ADGRB1: variants seen among roughly 807,000 people sequenced by gnomAD.
The protein encoded by ADGRB1 is brain-specific angiogenesis inhibitor 1.
ADGRB1 carries 36 observed loss-of-function variants against 175.7 expected under a neutral mutation model. That is an observed-to-expected ratio of 0.20 (90% CI 0.16 to 0.27). The LOEUF is 0.27. Among genes scored for constraint, ADGRB1 ranks in the 10% least tolerant of loss-of-function variants. The pLI is 1.00. For missense variants in ADGRB1, 1,731 were observed against 2,255.3 expected (o/e 0.77, Z 4.71); for synonymous variants, 1,054 against 979.4 (o/e 1.08, Z -1.42).
rs961063343 is a variant in ADGRB1, at chr8:142,542,661, G to A, written c.4413+14G>A. 14 of 1,538,220 alleles carry A rather than the reference G, an allele frequency of 9.1e-6. No homozygotes were observed. In the Admixed American group the frequency reaches 2.4e-4, roughly 26 times the overall value. The stretch of plus-strand genomic sequence containing the variant: ...AGCTCCCTGGAGGTGAGGGGGGCAG[G>A]GGTGGGCCACACCCCAGCCAGCGAG... On this transcript the variant is annotated intron_variant, in intron 28 of 30. Transcript: ENST00000517894. The surrounding 1 kb of genome is among the most constrained non-coding windows in gnomAD (Gnocchi z 6.3).
intron 17 of ADGRB1, among the ~76,000 whole-genome samples, chr8:142,506,953 C>T (rs529310457): frequency 9.8e-5 from 15 of 152,330 alleles, no homozygotes; most frequent in Admixed American, 6.5e-4. Context: ...TTGCCCCTGA[C>T]GGTCCCTTGC....
chr8:142,502,325 AGTGATG>A (rs1563718856), intron 17 of ADGRB1, among the ~76,000 whole-genome samples: 2 of 28,350 alleles, frequency 7.1e-5, no homozygotes, highest in African/African-American at 2.8e-4. Flanking sequence ...ATGGTGGGGT[AGTGATG>A]GTGATGGTGG....
chr8:142,536,157 C>T (rs889106942), intron 25 of ADGRB1, among the ~76,000 whole-genome samples: 12 of 152,120 alleles, frequency 7.9e-5, no homozygotes, highest in Non-Finnish European at 1.8e-4. Flanking sequence ...CTTTCTGCCT[C>T]TGCCAACTTC....
In ADGRB1 at chr8:142,488,496, C is replaced by G. The variant is rs774218814; in HGVS notation, c.2441C>G (p.Thr814Arg). The change falls in exon 14 of 31, where the codon ACG (threonine) becomes AGG (arginine). Residue 814 changes from threonine to arginine, a missense_variant. Coordinates refer to ENST00000517894, the MANE Select transcript of ADGRB1 (RefSeq NM_001702.3). ...ACTGTGTCCAAGAGTGTCTTCTCCACGGGGCTGACAGGTGAGGGGCCCAGG... is the reference window on the plus strand; with the variant it reads ...ACTGTGTCCAAGAGTGTCTTCTCCAGGGGGCTGACAGGTGAGGGGCCCAGG... ...RVTVSKSVFS[T>R]GLTEADEASV... 6.2e-7 allele frequency: 1 copy of G among 1,612,540 alleles called. No individual in the cohort carries two copies. Among genetic ancestry groups the G allele is most frequent in the African/African-American group, 1.3e-5 (1 of 74,934 alleles).
intron 17 of ADGRB1, among the ~76,000 whole-genome samples, chr8:142,500,486 T>C (rs1842467259): frequency 6.7e-6 from 1 of 148,844 alleles, no homozygotes; most frequent in Non-Finnish European, 1.5e-5. Flanking sequence ...GGCGAGGGCA[T>C]GTGGAGGGGC....
Position 142,526,678 on chromosome 8 carries a change from A to T in ADGRB1, c.3398+51A>T, listed in dbSNP as rs542342180. 5 of 1,522,918 alleles carry T rather than the reference A, an allele frequency of 3.3e-6. No homozygotes were observed. The African/African-American group carries it at 6.9e-5, about 21-fold the overall frequency. The allele number at this position is 1,522,918 out of a possible 1,614,324, so 94.3% of individuals were successfully genotyped here. ...TGCCCACCCGGAGTGCAAGACCCAG[A>T]GCCCACCCAGCCCCGGGGGATGGAG... On this transcript the variant is annotated intron_variant, in intron 24 of 30. Transcript: ENST00000517894.
At chr8:142,486,047 T>G (rs1443082661) in intron 13 of ADGRB1, among the ~76,000 whole-genome samples, 3 of 152,198 alleles carry the variant, frequency 2.0e-5, no homozygotes, top group Non-Finnish European at 2.9e-5. Context: ...CATTAGCAGA[T>G]GAAATTGGGG....
intron 30 of ADGRB1, 150 bp from the exon 31 acceptor site, chr8:142,544,070 G>C (rs1845448446): frequency 1.8e-5 from 15 of 848,472 alleles, no homozygotes; most frequent in Non-Finnish European, 2.5e-5. Flanking sequence ...CTGGGCTCTT[G>C]TCCTGAAAGC....
In ADGRB1 at chr8:142,511,107, C is replaced by T. The variant is rs753414001; in HGVS notation, c.2817+34C>T. On this transcript the variant is annotated intron_variant, in intron 18 of 30. Coordinates refer to ENST00000517894, the MANE Select transcript of ADGRB1 (RefSeq NM_001702.3). This position sits in a 1 kb window ranked among gnomAD's most constrained non-coding sequence, Gnocchi z 4.5. Reference sequence around the variant, plus strand: ...CCGGCCGGGCCGGCGGGAGGGGCGCCGGGCAGGGGCGCGGGCGGGGGCTGC... The same window carrying T: ...CCGGCCGGGCCGGCGGGAGGGGCGCTGGGCAGGGGCGCGGGCGGGGGCTGC... 308 of 1,070,280 alleles carry T rather than the reference C, an allele frequency of 2.9e-4. 2 individuals are homozygous for T. In the South Asian group the frequency reaches 0.01, roughly 35 times the overall value. 66.3% of individuals were successfully genotyped at this position (1,070,280 alleles called of 1,614,324 possible). A position where few individuals can be genotyped will look rare whatever the true frequency, so the allele number is the denominator to read the frequency against.
chr8:142,506,086 C>T (rs1842837411), intron 17 of ADGRB1, among the ~76,000 whole-genome samples: 1 of 152,250 alleles, frequency 6.6e-6, no homozygotes, highest in African/African-American at 2.4e-5. Flanking sequence ...CATGTGTGAG[C>T]AGCGTGCTGA....
chr8:142,523,626 T>G (rs1003739655), intron 22 of ADGRB1, among the ~76,000 whole-genome samples: 10 of 151,356 alleles, frequency 6.6e-5, no homozygotes, highest in Admixed American at 2.6e-4. Context: ...GACATTGAAG[T>G]GGGGTTCTGA....
chr8:142,479,642 TGCC>T (rs1841222303), intron 8 of ADGRB1, 48 bp from the exon 9 acceptor site: 27 of 65,598 alleles, frequency 4.1e-4, no homozygotes, highest in South Asian at 3.0e-3. Flanking sequence ...CAGAGCCAGC[TGCC>T]GGCTCTCAGT....
chr8:142,540,443 G>A (rs937279047), intron 27 of ADGRB1, among the ~76,000 whole-genome samples: 4 of 151,994 alleles, frequency 2.6e-5, no homozygotes, highest in Non-Finnish European at 4.4e-5. Context: ...TCATTCATGC[G>A]CTGGCTACAG....
rs1208593694 is a variant in ADGRB1 at position 142,464,501 on chromosome 8, C to T, written c.303C>T (p.Thr101=). ...GCAGCGGCCCCGGCCGCGTGCGCAC[C>T]TACCAGTTCGACTCCTTCCTCGAGT... ...VPCSGPGRVR[T]YQFDSFLEST... is the part of the protein sequence containing the mutation. Residue 101 remains threonine (T), a synonymous_variant, in exon 2 of 31, where the codon ACC becomes ACT. Transcript: ENST00000517894. 6.3e-7 allele frequency: 1 copy of T among 1,581,382 alleles called. No individual in the cohort carries two copies. Among genetic ancestry groups the T allele is most frequent in the Admixed American group, 1.8e-5 (1 of 56,968 alleles).
rs1381138616 is a variant in ADGRB1, at chr8:142,481,286, G to A, written c.1861G>A (p.Glu621Lys). The part of the protein sequence containing the change: ...LILRRCELDE[E>K]GIAYWEPPTY... Reference sequence around the variant, plus strand: ...CCTGCGACGGTGTGAGCTGGACGAGGAAGGCATCGCCTACTGGGAGCCCCC... The same window carrying A: ...CCTGCGACGGTGTGAGCTGGACGAGAAAGGCATCGCCTACTGGGAGCCCCC... The change falls in exon 10 of 31, where the codon GAA becomes AAA. Residue 621 changes from glutamate (E) to lysine (K), a missense_variant. By Grantham distance (56) the Glu-to-Lys change is moderately conservative. This residue lies in a region of ADGRB1 where 388 missense variants were observed against 630.9 expected (regional missense o/e 0.61). Transcript: ENST00000517894. 6.2e-7 allele frequency: 1 copy of A among 1,613,836 alleles called. No individual in the cohort carries two copies. The highest frequency in any genetic ancestry group is 2.2e-5 in the East Asian group (1 of 44,888).
In ADGRB1 at chr8:142,464,742, A is replaced by C; in HGVS notation, c.544A>C (p.Ser182Arg). The stretch of plus-strand genomic sequence containing the variant: ...CCTGGTGGTGGGGAACCGCAACCCC[A>C]GCCGTGCCGCCTGCCAGATGCTGTG... ...EYLVVGNRNP[S>R]RAACQMLCRW... The change falls in exon 2 of 31, where the codon AGC (serine) becomes CGC (arginine). Residue 182 changes from serine to arginine, a missense_variant. By Grantham distance (110) the Ser-to-Arg change is moderately radical (BLOSUM62 -1). Around this residue, in one of 8 missense-constraint regions of ADGRB1, gnomAD observed 383 missense variants for 383.1 expected, o/e 1.00. Transcript: ENST00000517894. 1 of 1,534,188 alleles carries C rather than the reference A, an allele frequency of 6.5e-7. No individual in the cohort carries two copies. Among genetic ancestry groups the C allele is most frequent in the Non-Finnish European group, 8.7e-7 (1 of 1,145,612 alleles).
At chr8:142,494,762 C>A (rs117594313) in intron 17 of ADGRB1, among the ~76,000 whole-genome samples, 7,689 of 151,750 alleles carry the variant, frequency 0.051, 281 homozygotes, top group Non-Finnish European at 0.078. Context: ...CAGTCCTGAA[C>A]GCTGGCCTGG....
chr8:142,541,072 C>G (rs910527853), intron 27 of ADGRB1, among the ~76,000 whole-genome samples: 4 of 152,030 alleles, frequency 2.6e-5, no homozygotes, highest in Non-Finnish European at 5.9e-5. Context: ...GGGTAACCAT[C>G]TGCCAGCCTG....
rs1164580287 is a variant in ADGRB1, at chr8:142,543,454, C to T, written c.4449+16C>T. On this transcript the variant is annotated intron_variant, in intron 29 of 30. Transcript: ENST00000517894. This position sits in a 1 kb window ranked among gnomAD's most constrained non-coding sequence, Gnocchi z 4.4. The stretch of plus-strand genomic sequence containing the variant: ...GGACTTTGAGGTGAGTTCTGGTGTC[C>T]CCCCCCACCAGACACTTAGGGCCAG... 3 of 1,613,350 alleles carry T rather than the reference C, an allele frequency of 1.9e-6. No individual in the cohort carries two copies.
Sources: allele counts gnomAD v4.1 joint callset (sites outside exome capture counted in the v4.1 genomes callset), GRCh38; gene constraint gnomAD v4.1.1; regional missense constraint gnomAD v4.1.1; non-coding constraint Gnocchi (gnomAD v3.1); transcripts MANE v1.5; gene names NCBI Gene and HGNC (gene_info 2026-07-23, HGNC 2026-07-21).